Variants in SMG6 observed in about 807,000 individuals in gnomAD.
The protein encoded by SMG6 is SMG6 nonsense mediated mRNA decay factor.
SMG6 carries 66 observed loss-of-function variants against 142.2 expected under a neutral mutation model. The ratio of observed to expected loss-of-function variants is 0.46; its 90% CI spans 0.38 to 0.57. The LOEUF (loss-of-function observed/expected upper bound fraction) is 0.57, where lower values mean the gene tolerates loss of function less well. Ranked by LOEUF, SMG6 falls within the 20% of genes least tolerant of loss-of-function variation. The probability of loss-of-function intolerance (pLI) is 0.00; values close to 1 mark genes in which losing one functional copy is unlikely to be tolerated. For synonymous variants in SMG6, 779 were observed against 702.4 expected (o/e 1.11, Z -1.72); for missense variants, 1,793 against 1,832.0 (o/e 0.98, Z 0.39).
rs1016343639 is a variant in SMG6 at position 2,112,223 on chromosome 17, G to A, written c.3358-26322C>T. ...CTTCCCTCTTAAAAAAAAAAAAGTCGGCCGGGCGCGGTGGCTCACGCCTGT... is the reference window on the plus strand; with the variant it reads ...CTTCCCTCTTAAAAAAAAAAAAGTCAGCCGGGCGCGGTGGCTCACGCCTGT... On this transcript the variant is annotated intron_variant, in intron 13 of 18. Transcript: ENST00000263073. Among the ~76,000 whole-genome samples, 7 of 151,768 alleles carry A rather than the reference G, an allele frequency of 4.6e-5. No homozygotes were observed. The East Asian group carries it at 9.6e-4, about 21-fold the overall frequency.
At chr17:2,111,775 C>G (rs963463066) in intron 13 of SMG6, among the ~76,000 whole-genome samples, 1 of 152,104 alleles carries the variant, frequency 6.6e-6, no homozygotes, top group Admixed American at 6.6e-5. Context: ...GATCGAAGGG[C>G]TTGTTAGCTA....
At chr17:2,186,517 G>A (rs759702107) in intron 12 of SMG6, 146 bp downstream of exon 12, 4 of 810,388 alleles carry the variant, frequency 4.9e-6, no homozygotes, top group Non-Finnish European at 7.7e-6. Context: ...GATAGGGAAG[G>A]TATTCAAAAA....
intron 13 of SMG6, among the ~76,000 whole-genome samples, chr17:2,163,135 A>G (rs2071233001): frequency 6.6e-6 from 1 of 152,072 alleles, no homozygotes; most frequent in African/African-American, 2.4e-5. Context: ...CCTGGCTGCT[A>G]ATCTTAATTT....
intron 12 of SMG6, among the ~76,000 whole-genome samples, chr17:2,181,717 T>C (rs1321679001): frequency 6.6e-6 from 1 of 152,224 alleles, no homozygotes; most frequent in Admixed American, 6.5e-5. Context: ...CAGCCGGGGA[T>C]GGCTGTAGCT....
rs148568051 is a variant in SMG6 at position 2,247,977 on chromosome 17, G to A, written c.2662-3258C>T. Among the ~76,000 whole-genome samples, 1,492 of 151,836 alleles carry A rather than the reference G, an allele frequency of 9.8e-3. 28 individuals are homozygous for A. Among genetic ancestry groups the A allele is most frequent in the African/African-American group, 0.034 (1,390 of 41,372 alleles). On this transcript the variant is annotated intron_variant, in intron 8 of 18. Transcript: ENST00000263073. Reference sequence around the variant, plus strand: ...ACGAAACAGCCAGGCGTGGTGGCACGCACCTGTAGTCCCAGCTACTTGGGA... The same window carrying A: ...ACGAAACAGCCAGGCGTGGTGGCACACACCTGTAGTCCCAGCTACTTGGGA...
intron 13 of SMG6, among the ~76,000 whole-genome samples, chr17:2,159,434 A>G (rs1420086559): frequency 6.6e-6 from 1 of 152,164 alleles, no homozygotes; most frequent in East Asian, 1.9e-4. Flanking sequence ...TCTCAAACAA[A>G]CAAACAAAAA....
intron 10 of SMG6, among the ~76,000 whole-genome samples, chr17:2,217,386 T>G (rs1446145920): frequency 1.3e-5 from 2 of 151,850 alleles, no homozygotes; most frequent in Admixed American, 1.3e-4. Context: ...TTAATATATG[T>G]ATAATATATA....
At chr17:2,212,441 A>T (rs968061427) in intron 10 of SMG6, among the ~76,000 whole-genome samples, 1 of 152,278 alleles carries the variant, frequency 6.6e-6, no homozygotes, top group African/African-American at 2.4e-5. Context: ...CTGCAGATCA[A>T]TCGATCAGGA....
At chr17:2,095,954 C>T (rs181396408) in intron 13 of SMG6, among the ~76,000 whole-genome samples, 54 of 151,944 alleles carry the variant, frequency 3.6e-4, no homozygotes, top group African/African-American at 1.2e-3. Flanking sequence ...TGTCTGCTTC[C>T]CCTGGCACCT....
chr17:2,136,458 T>C (rs1394312739), intron 13 of SMG6, among the ~76,000 whole-genome samples: 2 of 152,224 alleles, frequency 1.3e-5, no homozygotes, highest in Non-Finnish European at 2.9e-5. Flanking sequence ...TCTATCTCAT[T>C]GATTCTAAAT....
chr17:2,298,195 G>A, intron 2 of SMG6, 140 bp from the exon 3 acceptor site: 1 of 683,010 alleles, frequency 1.5e-6, no homozygotes, highest in Non-Finnish European at 2.4e-6. Context: ...TACTCACTCT[G>A]GTTTCCATTC....
chr17:2,131,299 ATT>A (rs201040820), intron 13 of SMG6, among the ~76,000 whole-genome samples: 15,303 of 146,314 alleles, frequency 0.1, 1,037 homozygotes, highest in Non-Finnish European at 0.15. Context: ...CTCAGAAATG[ATT>A]TTTTTTTTTT....
At position 2,209,645 on chromosome 17, in the gene SMG6, T is replaced by C. The variant is rs111820594; in HGVS notation, c.2870-21130A>G. Among the ~76,000 whole-genome samples the C allele has an allele frequency of 8.5e-5, 13 of 152,198 alleles. 1 individual carries two copies. Among genetic ancestry groups the C allele is most frequent in the African/African-American group, 2.9e-4 (12 of 41,522 alleles). ...TCCCAAACTGCTAGGATTACAGGCATGAGCCACTGCACCCAATCTAAATTT... is the reference window on the plus strand; with the variant it reads ...TCCCAAACTGCTAGGATTACAGGCACGAGCCACTGCACCCAATCTAAATTT... On this transcript the variant is annotated intron_variant, in intron 10 of 18. Transcript: ENST00000263073.
chr17:2,278,578 T>C (rs1304234648), intron 8 of SMG6, among the ~76,000 whole-genome samples: 1 of 152,184 alleles, frequency 6.6e-6, no homozygotes, highest in Non-Finnish European at 1.5e-5. Flanking sequence ...AAAAGTTCCT[T>C]TTAAAACAAA....
rs28572372 is a variant in SMG6 at position 2,265,442 on chromosome 17, G to A, written c.2661+17205C>T. Among the ~76,000 whole-genome samples the A allele has an allele frequency of 6.2e-3, 937 of 152,012 alleles. 8 individuals are homozygous for A. Among genetic ancestry groups the A allele is most frequent in the African/African-American group, 0.021 (855 of 41,490 alleles). On this transcript the variant is annotated intron_variant, in intron 8 of 18. Coordinates refer to ENST00000263073, the MANE Select transcript of SMG6 (RefSeq NM_017575.5). ...GGAGAAACGCTTGAACCTGGGAGGC[G>A]GAGGTTGCAGTGAGCTGAGATTGCG...
In SMG6 at chr17:2,207,204, C is replaced by A. The variant is rs149860742; in HGVS notation, c.2870-18689G>T. ...TCAGGACACTGAGGCATGAGAATCA[C>A]TTGAACTCAGGAAGCAGTGAGCCGA... On this transcript the variant is annotated intron_variant, in intron 10 of 18. Coordinates refer to ENST00000263073, the MANE Select transcript of SMG6 (RefSeq NM_017575.5). Among the ~76,000 whole-genome samples the A allele has an allele frequency of 6.2e-4, 93 of 151,160 alleles. 1 individual carries two copies. Among genetic ancestry groups the A allele is most frequent in the African/African-American group, 2.1e-3 (86 of 41,196 alleles).
intron 13 of SMG6, among the ~76,000 whole-genome samples, chr17:2,167,131 C>CAAAAAAAAAAAA (rs57898779): frequency 1.1e-4 from 4 of 35,714 alleles, no homozygotes; most frequent in East Asian, 7.6e-4. Flanking sequence ...GACTCCATCT[C>CAAAAAAAAAAAA]AAAAAAAAAA....
At chr17:2,114,058 A>G (rs1194663391) in intron 13 of SMG6, among the ~76,000 whole-genome samples, 1 of 152,220 alleles carries the variant, frequency 6.6e-6, no homozygotes, top group African/African-American at 2.4e-5. Flanking sequence ...ACCTGAGGTC[A>G]GGAGTTCAAG....
At chr17:2,127,666 C>T (rs2069944680) in intron 13 of SMG6, 1 of 568,686 alleles carries the variant, frequency 1.8e-6, no homozygotes, top group South Asian at 1.4e-5. Flanking sequence ...TTTTACTCTG[C>T]TCTTTTCTAG....
Sources: gnomAD v4.1 joint callset for allele counts (sites outside exome capture counted in the v4.1 genomes callset) on GRCh38, gnomAD v4.1.1 for gene constraint, MANE v1.5 for transcripts, NCBI Gene and HGNC (gene_info 2026-07-23, HGNC 2026-07-21) for gene names.